Variants in PTPN4 observed in about 807,000 individuals in gnomAD.
PTPN4 encodes the protein protein tyrosine phosphatase non-receptor type 4.
Under a neutral mutation model 135.5 loss-of-function variants are expected in PTPN4, and 49 were observed. The observed-to-expected ratio is 0.36, with a 90% CI of 0.29 to 0.46. The LOEUF is 0.46. PTPN4 is among the 20% of genes least tolerant of loss of function. The pLI, the probability that PTPN4 is intolerant of heterozygous loss-of-function variation, is 1.00. For missense variants in PTPN4, 860 were observed against 1,101.0 expected, an observed-to-expected ratio of 0.78 and a Z score of 3.10; for synonymous variants, 333 against 369.9, an observed-to-expected ratio of 0.90 and a Z score of 1.14.
chr2:119,810,579 G>C (rs948042872), intron 2 of PTPN4, among the ~76,000 whole-genome samples: 1 of 151,980 alleles, frequency 6.6e-6, no homozygotes, highest in Admixed American at 6.6e-5. Flanking sequence ...CCATTTACTT[G>C]TCCAGTTTAT....
intron 25 of PTPN4, among the ~76,000 whole-genome samples, chr2:119,967,380 T>A (rs1356430782): frequency 6.7e-6 from 1 of 149,370 alleles, no homozygotes; most frequent in Non-Finnish European, 1.5e-5. Flanking sequence ...GCCCAGGAAG[T>A]AGAGGTTGCA....
chr2:119,958,083 T>A (rs1435743970), intron 22 of PTPN4, among the ~76,000 whole-genome samples: 1 of 151,992 alleles, frequency 6.6e-6, no homozygotes, highest in Non-Finnish European at 1.5e-5. Context: ...TAGAAAAAGC[T>A]TATTTAATAT....
chr2:119,956,237 A>ATTTTTT (rs10627020), intron 20 of PTPN4, among the ~76,000 whole-genome samples: 16 of 101,060 alleles, frequency 1.6e-4, no homozygotes, highest in African/African-American at 1.8e-4. Context: ...ATAAACCTGA[A>ATTTTTT]TTTTTTTTTT....
chr2:119,980,954 A>C lies in PTPN4; in HGVS notation c.*3884A>C, dbSNP rs992981353. ...TGTTCATAATGTGAACATGTAAGAT[A>C]AGTAAATAAAGCATTACTTGTTTTA... is the stretch of plus-strand genomic sequence containing the variant. On this transcript the variant is annotated 3_prime_UTR_variant, in exon 27 of 27. Transcript: ENST00000263708. 5 of 152,122 alleles carry C rather than the reference A, an allele frequency of 3.3e-5. No individual in the cohort carries two copies. Among genetic ancestry groups the C allele is most frequent in the African/African-American group, 1.2e-4 (5 of 41,458 alleles). 9.4% of individuals were successfully genotyped at this position (152,122 alleles called of 1,614,324 possible). A position where few individuals can be genotyped will look rare whatever the true frequency, so the allele number is the denominator to read the frequency against.
At chr2:119,814,305 A>G (rs750632571) in intron 2 of PTPN4, among the ~76,000 whole-genome samples, 1 of 152,164 alleles carries the variant, frequency 6.6e-6, no homozygotes. Flanking sequence ...TGCCTGTACA[A>G]TTAGTACAGT....
chr2:119,885,745 T>G (rs1432717888), intron 8 of PTPN4, 50 bp from the exon 9 acceptor site: 1 of 1,298,908 alleles, frequency 7.7e-7, no homozygotes, highest in East Asian at 2.4e-5. Context: ...TAGCCATATT[T>G]ATTTGATTGA....
chr2:119,919,778 C>A (rs1366599829), intron 11 of PTPN4, among the ~76,000 whole-genome samples: 1 of 143,240 alleles, frequency 7.0e-6, no homozygotes, highest in African/African-American at 2.6e-5. Flanking sequence ...GAGCCAAGAT[C>A]GTGCCACTGC....
chr2:119,845,326 T>C (rs1677480512), intron 2 of PTPN4, among the ~76,000 whole-genome samples: 1 of 150,466 alleles, frequency 6.6e-6, no homozygotes, highest in African/African-American at 2.4e-5. Flanking sequence ...GTAATTTTTT[T>C]CTTTAAATTC....
chr2:119,840,826 T>C (rs1321692493), intron 2 of PTPN4, among the ~76,000 whole-genome samples: 1 of 152,250 alleles, frequency 6.6e-6, no homozygotes, highest in African/African-American at 2.4e-5. Context: ...GATTTGCATT[T>C]TTCTAATGAT....
rs553151282 is a variant in PTPN4, at chr2:119,921,864, T to C, written c.1001+1623T>C. On this transcript the variant is annotated intron_variant, in intron 12 of 26. Transcript: ENST00000263708. Reference sequence around the variant, plus strand: ...TTCTTTCAATGAATTTAATTTCTGATTGGTTACCAGGGTAGTTATACAAGG... The same window carrying C: ...TTCTTTCAATGAATTTAATTTCTGACTGGTTACCAGGGTAGTTATACAAGG... Among the ~76,000 whole-genome samples the C allele has an allele frequency of 4.6e-5, 7 of 152,222 alleles. No homozygotes were observed. In the South Asian group the frequency reaches 1.5e-3, roughly 32 times the overall value.
chr2:119,859,157 A>C (rs897163176), intron 2 of PTPN4, among the ~76,000 whole-genome samples: 1 of 152,170 alleles, frequency 6.6e-6, no homozygotes, highest in Non-Finnish European at 1.5e-5. Context: ...AACAGCATTC[A>C]TAATGGTTGC....
At chr2:119,806,119 A>T (rs1691462702) in intron 1 of PTPN4, among the ~76,000 whole-genome samples, 1 of 152,226 alleles carries the variant, frequency 6.6e-6, no homozygotes, top group Non-Finnish European at 1.5e-5. Context: ...CGCCACTGTA[A>T]AAACATGCCA....
intron 15 of PTPN4, among the ~76,000 whole-genome samples, chr2:119,936,735 T>G (rs1010850842): frequency 5.9e-5 from 9 of 152,326 alleles, no homozygotes; most frequent in Non-Finnish European, 1.2e-4. Context: ...TCTACTTTCC[T>G]GACTTGAGTG....
At chr2:119,913,726 G>A (rs1249984761) in intron 10 of PTPN4, among the ~76,000 whole-genome samples, 1 of 152,000 alleles carries the variant, frequency 6.6e-6, no homozygotes, top group East Asian at 1.9e-4. Context: ...TATGTCTAAT[G>A]ATTTATTAAC....
At chr2:119,959,293 AAT>A (rs1293849932) in intron 22 of PTPN4, among the ~76,000 whole-genome samples, 1 of 152,114 alleles carries the variant, frequency 6.6e-6, no homozygotes, top group Admixed American at 6.5e-5. Context: ...TTAGAAAAAT[AAT>A]ATCAGAGTTA....
At chr2:119,871,635 A>G (rs1297839874) in intron 3 of PTPN4, among the ~76,000 whole-genome samples, 1 of 152,112 alleles carries the variant, frequency 6.6e-6, no homozygotes, top group Non-Finnish European at 1.5e-5. Flanking sequence ...ACCTCTTTGG[A>G]TGGAAGAGTA....
chr2:119,775,376 T>C (rs1690816504), intron 1 of PTPN4, among the ~76,000 whole-genome samples: 1 of 152,192 alleles, frequency 6.6e-6, no homozygotes, highest in African/African-American at 2.4e-5. Flanking sequence ...GCTTTGTCCC[T>C]GAAGTCAGGA....
intron 23 of PTPN4, 75 bp downstream of exon 23, chr2:119,961,028 C>A: frequency 7.1e-7 from 1 of 1,413,606 alleles, no homozygotes; most frequent in South Asian, 1.5e-5. Context: ...TCAAAATATT[C>A]ATATTTATTT....
chr2:119,770,457 C>T (rs1002167271), intron 1 of PTPN4, among the ~76,000 whole-genome samples: 1 of 152,138 alleles, frequency 6.6e-6, no homozygotes, highest in Admixed American at 6.5e-5. Context: ...CTTGATACCA[C>T]TCCTTCTCTT....
Sources: allele counts gnomAD v4.1 joint callset (sites outside exome capture counted in the v4.1 genomes callset), GRCh38; gene constraint gnomAD v4.1.1; transcripts MANE v1.5; gene names NCBI Gene and HGNC (gene_info 2026-07-23, HGNC 2026-07-21).